RPP14: variants seen among roughly 807,000 people sequenced by gnomAD.
RPP14 encodes the protein ribonuclease P/MRP subunit p14.
A neutral mutation model predicts 17.8 loss-of-function variants in RPP14; 19 were observed. That is an observed-to-expected ratio of 1.07 (90% CI 0.74 to 1.57). RPP14 has a LOEUF of 1.57. Ranked by LOEUF, RPP14 falls within the 40% of genes most tolerant of loss-of-function variation. The probability of loss-of-function intolerance (pLI) is 0.00; values close to 1 mark genes in which losing one functional copy is unlikely to be tolerated. For synonymous variants in RPP14, 60 were observed against 56.4 expected (o/e 1.06, Z -0.29); for missense variants, 125 against 140.8 (o/e 0.89, Z 0.57).
chr3:58,308,755 C>G (rs2097478564), intron 1 of RPP14, among the ~76,000 whole-genome samples: 1 of 151,950 alleles, frequency 6.6e-6, no homozygotes, highest in Non-Finnish European at 1.5e-5. Flanking sequence ...GTTTCCTGTT[C>G]CCTGTAGTGG....
At chr3:58,316,728 T>A in intron 4 of RPP14, 137 bp downstream of exon 4, 2 of 897,596 alleles carry the variant, frequency 2.2e-6, no homozygotes, top group Non-Finnish European at 3.5e-6. Context: ...CTGGGATGAA[T>A]ATGAACATTC....
chr3:58,319,652 GAAAT>G lies in RPP14; in HGVS notation c.*2162_*2165del, dbSNP rs2097492370. ...TATAGTAAAAAAAAAAAAATTGTAA[GAAAT>G]AAATATTAAGAAGATTATGGAGGCC... On this transcript the variant is annotated 3_prime_UTR_variant, in exon 6 of 6. Coordinates refer to ENST00000295959, the MANE Select transcript of RPP14 (RefSeq NM_007042.6). 1.3e-5 allele frequency: 2 copies of G among 151,304 alleles called. No individual in the cohort carries two copies. The highest frequency in any genetic ancestry group is 2.1e-4 in the South Asian group (1 of 4,784). The allele number at this position is 151,304 out of a possible 1,614,324, so 9.4% of individuals were successfully genotyped here. A position where few individuals can be genotyped will look rare whatever the true frequency, so the allele number is the denominator to read the frequency against.
At chr3:58,316,743 A>C in intron 4 of RPP14, 152 bp downstream of exon 4, 2 of 878,542 alleles carry the variant, frequency 2.3e-6, no homozygotes, top group East Asian at 5.1e-5. Context: ...ACATTCATCC[A>C]CCAGAAACTT....
At chr3:58,316,383 G>A (rs933120104) in intron 3 of RPP14, 132 bp from the exon 4 acceptor site, 15 of 764,270 alleles carry the variant, frequency 2.0e-5, no homozygotes, top group Non-Finnish European at 3.3e-5. Context: ...GGCAACTAAA[G>A]TGCCAGCACC....
chr3:58,317,703 C>CT lies in RPP14; in HGVS notation c.*210dup. On this transcript the variant is annotated 3_prime_UTR_variant, in exon 6 of 6. Transcript: ENST00000295959. ...ACCTGCCAGTGCTGACCCTGCAGCA[C>CT]TTTCAGCATATGCACATCAAAGTTG... The CT allele has an allele frequency of 2.8e-6, 2 of 704,306 alleles. No individual in the cohort carries two copies. Among genetic ancestry groups the CT allele is most frequent in the Non-Finnish European group, 5.2e-6 (2 of 385,234 alleles). The allele number at this position is 704,306 out of a possible 1,614,324, so 43.6% of individuals were successfully genotyped here.
At chr3:58,311,583 CT>C (rs963557050) in intron 3 of RPP14, among the ~76,000 whole-genome samples, 1 of 151,528 alleles carries the variant, frequency 6.6e-6, no homozygotes, top group Admixed American at 6.6e-5. Flanking sequence ...GAATTTCATT[CT>C]TTTTTATGGC....
chr3:58,306,852 G>A (rs4681842), intron 1 of RPP14, among the ~76,000 whole-genome samples: 117,347 of 152,160 alleles, frequency 0.77, 45,879 homozygotes, highest in East Asian at 1. Context: ...TTTTGTTGGG[G>A]TGGGGAGGGG....
At chr3:58,307,209 C>T (rs1317134753) in intron 1 of RPP14, among the ~76,000 whole-genome samples, 1 of 152,154 alleles carries the variant, frequency 6.6e-6, no homozygotes, top group Non-Finnish European at 1.5e-5. Flanking sequence ...GGGAGCAGTC[C>T]TGCAGGTGAG....
intron 3 of RPP14, among the ~76,000 whole-genome samples, chr3:58,314,051 G>A (rs1272070660): frequency 6.6e-6 from 1 of 152,116 alleles, no homozygotes; most frequent in Non-Finnish European, 1.5e-5. Flanking sequence ...ACAAGACCAT[G>A]TCTCAAAAAT....
intron 4 of RPP14, 23 bp downstream of exon 4, chr3:58,316,614 T>C: frequency 6.3e-7 from 1 of 1,598,050 alleles, no homozygotes; most frequent in South Asian, 1.1e-5. Flanking sequence ...GTGGGAAATT[T>C]CTAGTATAAC....
rs147132084 is a variant in RPP14, at chr3:58,310,212, A to AAACC, written c.-21-94_-21-93insCAAC. 3,857 of 891,196 alleles carry AAACC rather than the reference A, an allele frequency of 4.3e-3. 110 individuals carry two copies. In the African/African-American group the frequency reaches 0.059, roughly 14 times the overall value. The allele number at this position is 891,196 out of a possible 1,614,324, so 55.2% of individuals were successfully genotyped here. A position where few individuals can be genotyped will look rare whatever the true frequency, so the allele number is the denominator to read the frequency against. The stretch of plus-strand genomic sequence containing the variant: ...ACAGGGTGAGACCCTGCCTTAAAAC[A>AAACC]AACAAACAAAAAAAACCCAAATAGG... On this transcript the variant is annotated intron_variant, in intron 1 of 5. Transcript: ENST00000295959.
chr3:58,318,222 G>C lies in RPP14; in HGVS notation c.*726G>C, dbSNP rs755867595. Reference sequence around the variant, plus strand: ...CAAAGAATGGTTGATAGGCCCAGAAGCCCATCTTAGTTAGGGGAAGGGAGC... The same window carrying C: ...CAAAGAATGGTTGATAGGCCCAGAACCCCATCTTAGTTAGGGGAAGGGAGC... On this transcript the variant is annotated 3_prime_UTR_variant, in exon 6 of 6. Coordinates refer to ENST00000295959, the MANE Select transcript of RPP14 (RefSeq NM_007042.6). 1.7e-6 allele frequency: 1 copy of C among 588,136 alleles called. No homozygotes were observed. Among genetic ancestry groups the C allele is most frequent in the Non-Finnish European group, 3.0e-6 (1 of 334,980 alleles). 36.4% of individuals were successfully genotyped at this position (588,136 alleles called of 1,614,324 possible). A position where few individuals can be genotyped will look rare whatever the true frequency, so the allele number is the denominator to read the frequency against.
intron 1 of RPP14, 117 bp downstream of exon 1, chr3:58,306,534 C>T (rs1403130926): frequency 1.3e-5 from 2 of 152,268 alleles, no homozygotes; most frequent in East Asian, 1.9e-4. Flanking sequence ...TCTCCGACCC[C>T]GGGCGCTGAG....
rs1309181394 is a variant in RPP14, at chr3:58,319,764, A to T, written c.*2268A>T. The T allele has an allele frequency of 1.3e-5, 2 of 152,110 alleles. No individual in the cohort carries two copies. The highest frequency in any genetic ancestry group is 3.8e-4 in the East Asian group (2 of 5,204). The allele number at this position is 152,110 out of a possible 1,614,324, so 9.4% of individuals were successfully genotyped here. A position where few individuals can be genotyped will look rare whatever the true frequency, so the allele number is the denominator to read the frequency against. ...CCTAACATGTTACTACTAAATGGCC[A>T]TCCCAACACAGCCAACACTTTTGTT... On this transcript the variant is annotated 3_prime_UTR_variant, in exon 6 of 6. Transcript: ENST00000295959.
At chr3:58,311,722 T>TC (rs2097482463) in intron 3 of RPP14, among the ~76,000 whole-genome samples, 1 of 151,682 alleles carries the variant, frequency 6.6e-6, no homozygotes, top group South Asian at 2.1e-4. Flanking sequence ...TTTTTTTTTT[T>TC]CCCCACCTTG....
chr3:58,311,516 G>A (rs1175610156), intron 3 of RPP14, among the ~76,000 whole-genome samples: 1 of 152,140 alleles, frequency 6.6e-6, no homozygotes, highest in East Asian at 1.9e-4. Flanking sequence ...TTCTGTGCCT[G>A]GCTGGCTTCA....
At position 58,310,628 on chromosome 3, in the gene RPP14, T is replaced by C. The variant is rs540714905; in HGVS notation, c.162+37T>C. 5.8e-6 allele frequency: 9 copies of C among 1,554,802 alleles called. No homozygotes were observed. The African/African-American group carries it at 9.7e-5, about 17-fold the overall frequency. On this transcript the variant is annotated intron_variant, in intron 3 of 5. Transcript: ENST00000295959. ...CTTGGTAGATTGAACATTCCAAAGA[T>C]CTTTGTAAGAAATACAGAAAGAGGC...
In RPP14 at chr3:58,317,529, C is replaced by T. The variant is rs368635140; in HGVS notation, c.*33C>T. The T allele has an allele frequency of 2.4e-5, 34 of 1,410,222 alleles. No homozygotes were observed. In the African/African-American group the frequency reaches 4.1e-4, roughly 17 times the overall value. The allele number at this position is 1,410,222 out of a possible 1,614,324, so 87.4% of individuals were successfully genotyped here. ...GTCTTCCATTTTGGAAACGTTCATC[C>T]ACTCTCATATTTATTTTTTGGTGCC... On this transcript the variant is annotated 3_prime_UTR_variant, in exon 6 of 6. Coordinates refer to ENST00000295959, the MANE Select transcript of RPP14 (RefSeq NM_007042.6).
In RPP14 at chr3:58,310,516, A is replaced by G. The variant is rs376304016; in HGVS notation, c.87A>G (p.Gln29=). The G allele has an allele frequency of 5.6e-6, 9 of 1,610,334 alleles. No homozygotes were observed. Among genetic ancestry groups the G allele is most frequent in the Non-Finnish European group, 7.6e-6 (9 of 1,179,022 alleles). The change falls in exon 3 of 6, where the codon CAA becomes CAG. Residue 29 remains glutamine, a synonymous_variant. Transcript: ENST00000295959. Reference sequence around the variant, plus strand: ...TTTTCACTTTTTTTAGAGAATTTCAAGATTGTGGAGTTGGACTGAATGCTG... The same window carrying G: ...TTTTCACTTTTTTTAGAGAATTTCAGGATTGTGGAGTTGGACTGAATGCTG... ...YHYMKVCLEF[Q]DCGVGLNAAQ... is the part of the protein sequence containing the mutation.
Sources: gnomAD v4.1 joint callset for allele counts (sites outside exome capture counted in the v4.1 genomes callset) on GRCh38, gnomAD v4.1.1 for gene constraint, MANE v1.5 for transcripts, NCBI Gene and HGNC (gene_info 2026-07-23, HGNC 2026-07-21) for gene names.